The following NRIP1 variants were observed in gnomAD, a reference collection of about 807,000 sequenced individuals.
NRIP1 encodes nuclear receptor-interacting protein 1.
Under a neutral mutation model 75.0 loss-of-function variants are expected in NRIP1, and 28 were observed. The observed-to-expected ratio is 0.37, with a 90% CI of 0.28 to 0.51. The LOEUF (loss-of-function observed/expected upper bound fraction) is 0.51. NRIP1 is among the 20% of genes least tolerant of loss of function. The probability of loss-of-function intolerance (pLI) is 0.92; values close to 1 mark genes in which losing one functional copy is unlikely to be tolerated. For synonymous variants in NRIP1, 526 were observed against 487.6 expected, an observed-to-expected ratio of 1.08 and a Z score of -1.04; for missense variants, 1,435 against 1,343.7, an observed-to-expected ratio of 1.07 and a Z score of -1.06.
chr21:14,990,115 G>A (rs1190043059), intron 3 of NRIP1, among the ~76,000 whole-genome samples: 1 of 152,104 alleles, frequency 6.6e-6, no homozygotes, highest in Non-Finnish European at 1.5e-5. Context: ...CGTCAAGTGG[G>A]TTCAGTCACG....
chr21:14,990,125 G>A (rs1433312223), intron 3 of NRIP1, among the ~76,000 whole-genome samples: 1 of 152,092 alleles, frequency 6.6e-6, no homozygotes, highest in Non-Finnish European at 1.5e-5. Flanking sequence ...GTTCAGTCAC[G>A]ATTCTAGCGC....
At chr21:15,026,742 A>G (rs935609311) in intron 2 of NRIP1, among the ~76,000 whole-genome samples, 2 of 152,228 alleles carry the variant, frequency 1.3e-5, no homozygotes, top group Non-Finnish European at 2.9e-5. Context: ...ACAGAGGGGA[A>G]GAAATAAATA....
intron 3 of NRIP1, among the ~76,000 whole-genome samples, chr21:14,976,786 G>T (rs996193097): frequency 2.0e-5 from 3 of 152,028 alleles, no homozygotes; most frequent in Non-Finnish European, 4.4e-5. Flanking sequence ...TAATGACAAC[G>T]GTCTTTCTCC....
At chr21:15,039,460 C>T (rs140797274) in intron 2 of NRIP1, among the ~76,000 whole-genome samples, 1 of 152,098 alleles carries the variant, frequency 6.6e-6, no homozygotes, top group African/African-American at 2.4e-5. Context: ...GCTTTAAAAC[C>T]CAATTTGGTG....
In NRIP1 at chr21:14,965,593, T is replaced by C; in HGVS notation, c.2600A>G (p.Glu867Gly). The change falls in exon 4 of 4, where the codon GAA becomes GGA. Residue 867 changes from glutamate (E) to glycine (G), a missense_variant. Transcript: ENST00000318948. ...KKRKLYTEPL[E>G]NPFKKMKNNI... Reference sequence around the variant, plus strand: ...GTTTTTCATCTTTTTAAATGGATTTTCTAATGGCTCAGTATAAAGCTTCCT... The same window carrying C: ...GTTTTTCATCTTTTTAAATGGATTTCCTAATGGCTCAGTATAAAGCTTCCT... 1 of 1,614,050 alleles carries C rather than the reference T, an allele frequency of 6.2e-7. No homozygotes were observed. The highest frequency in any genetic ancestry group is 8.5e-7 in the Non-Finnish European group (1 of 1,179,980).
At chr21:15,054,080 T>C (rs1217430452) in intron 1 of NRIP1, among the ~76,000 whole-genome samples, 2 of 152,216 alleles carry the variant, frequency 1.3e-5, no homozygotes, top group Admixed American at 6.5e-5. Flanking sequence ...AGTCAGGAAA[T>C]TCACCTTCAG....
intron 1 of NRIP1, among the ~76,000 whole-genome samples, chr21:15,056,565 T>C (rs1436912425): frequency 2.0e-5 from 3 of 152,212 alleles, no homozygotes; most frequent in South Asian, 4.1e-4. Flanking sequence ...TTCTGATCTT[T>C]AGGAAGACAT....
chr21:14,982,698 G>GT (rs1161946340), intron 3 of NRIP1, among the ~76,000 whole-genome samples: 317 of 76,314 alleles, frequency 4.2e-3, no homozygotes, highest in African/African-American at 0.017. Flanking sequence ...TTATTGTGGG[G>GT]TTTTTTTTTG....
At chr21:15,064,286 G>A (rs1978632005) in intron 1 of NRIP1, among the ~76,000 whole-genome samples, 3 of 152,200 alleles carry the variant, frequency 2.0e-5, no homozygotes, top group Non-Finnish European at 4.4e-5. Flanking sequence ...TTCCCAGCCG[G>A]GTATCCAGCG....
chr21:15,006,132 C>G (rs2087966199), intron 3 of NRIP1, among the ~76,000 whole-genome samples: 2 of 151,886 alleles, frequency 1.3e-5, no homozygotes, highest in Non-Finnish European at 2.9e-5. Flanking sequence ...AGCATGTTTA[C>G]TAAATTTCTT....
At chr21:15,058,325 C>T (rs1458537142) in intron 1 of NRIP1, among the ~76,000 whole-genome samples, 4 of 152,194 alleles carry the variant, frequency 2.6e-5, no homozygotes, top group African/African-American at 9.7e-5. Flanking sequence ...ATTAATTTCT[C>T]TCAAGAATAT....
chr21:15,010,959 G>A (rs766344916), intron 3 of NRIP1, among the ~76,000 whole-genome samples: 2 of 152,078 alleles, frequency 1.3e-5, no homozygotes, highest in African/African-American at 4.8e-5. Flanking sequence ...ATTGGTTTAC[G>A]GCAATTAATT....
chr21:15,009,673 GT>G (rs1431088420), intron 3 of NRIP1, among the ~76,000 whole-genome samples: 1 of 152,194 alleles, frequency 6.6e-6, no homozygotes, highest in Non-Finnish European at 1.5e-5. Context: ...CATAGAGTAT[GT>G]TCTAGAAACT....
At chr21:15,014,040 G>C (rs1201573902) in intron 3 of NRIP1, among the ~76,000 whole-genome samples, 1 of 151,648 alleles carries the variant, frequency 6.6e-6, no homozygotes, top group Non-Finnish European at 1.5e-5. Context: ...CCTCTCTCCA[G>C]AAGTAATCTA....
chr21:15,010,042 G>C (rs2088065842), intron 3 of NRIP1, among the ~76,000 whole-genome samples: 1 of 152,172 alleles, frequency 6.6e-6, no homozygotes, highest in African/African-American at 2.4e-5. Context: ...AGCTTACATA[G>C]ACTGTACTAT....
intron 1 of NRIP1, among the ~76,000 whole-genome samples, chr21:15,056,161 C>A (rs1258933783): frequency 6.6e-6 from 1 of 151,984 alleles, no homozygotes; most frequent in African/African-American, 2.4e-5. Context: ...GGACAAGGTG[C>A]CTCTAAGATA....
chr21:14,996,465 C>G lies in NRIP1; in HGVS notation c.-335+17879G>C, dbSNP rs993314961. Among the ~76,000 whole-genome samples the G allele has an allele frequency of 5.3e-5, 8 of 152,318 alleles. No individual in the cohort carries two copies. In the East Asian group the frequency reaches 1.4e-3, roughly 26 times the overall value. On this transcript the variant is annotated intron_variant, in intron 3 of 3. Transcript: ENST00000318948. ...CCTCCTTTGCCTCCTTCCCCAAACT[C>G]AGCTTAAATATCACCCGCTAAGATA...
At chr21:14,979,422 A>T (rs2087168164) in intron 3 of NRIP1, among the ~76,000 whole-genome samples, 1 of 152,180 alleles carries the variant, frequency 6.6e-6, no homozygotes, top group Non-Finnish European at 1.5e-5. Flanking sequence ...AATAGATTTG[A>T]CATACAGACA....
chr21:14,982,314 A>G (rs1232738560), intron 3 of NRIP1, among the ~76,000 whole-genome samples: 3 of 152,208 alleles, frequency 2.0e-5, no homozygotes, highest in Non-Finnish European at 2.9e-5. Context: ...GAGGTTATAA[A>G]TAAGACAGCA....
Sources: allele counts gnomAD v4.1 joint callset (sites outside exome capture counted in the v4.1 genomes callset), GRCh38; gene constraint gnomAD v4.1.1; transcripts MANE v1.5; gene names NCBI Gene and HGNC (gene_info 2026-07-23, HGNC 2026-07-21).